ANO3: variants seen among roughly 807,000 people sequenced by gnomAD.
ANO3 encodes anoctamin-3.
Under a neutral mutation model 144.8 loss-of-function variants are expected in ANO3, and 99 were observed. That is an observed-to-expected ratio of 0.68 (90% CI 0.58 to 0.81). The LOEUF (loss-of-function observed/expected upper bound fraction) is 0.81. Among genes scored for constraint, ANO3 ranks in the 30% least tolerant of loss-of-function variants. ANO3 has a pLI of 0.00. For synonymous variants in ANO3, 414 were observed against 392.6 expected (o/e 1.05, Z -0.64); for missense variants, 905 against 1,202.2 (o/e 0.75, Z 3.66).
intron 1 of ANO3, among the ~76,000 whole-genome samples, chr11:26,189,730 G>A (rs1277105258): frequency 6.6e-6 from 1 of 152,002 alleles, no homozygotes; most frequent in Non-Finnish European, 1.5e-5. Context: ...TCATTCGTAT[G>A]CACAATTATA....
chr11:26,276,673 C>T (rs187591533), intron 1 of ANO3, among the ~76,000 whole-genome samples: 13 of 152,290 alleles, frequency 8.5e-5, no homozygotes, highest in Admixed American at 2.6e-4. Flanking sequence ...TTAGACCACG[C>T]TTTCAAAGGC....
chr11:26,411,412 A>G (rs1273556527), intron 1 of ANO3, among the ~76,000 whole-genome samples: 1 of 152,004 alleles, frequency 6.6e-6, no homozygotes, highest in Non-Finnish European at 1.5e-5. Context: ...TTCAATAATT[A>G]CCAGTAATTA....
intron 6 of ANO3, among the ~76,000 whole-genome samples, chr11:26,522,844 AT>A (rs1295805491): frequency 6.6e-6 from 1 of 152,076 alleles, no homozygotes; most frequent in Non-Finnish European, 1.5e-5. Flanking sequence ...ATTCACTAAA[AT>A]TTATAAAGAC....
At chr11:26,281,958 A>T (rs1853688506) in intron 1 of ANO3, among the ~76,000 whole-genome samples, 1 of 152,202 alleles carries the variant, frequency 6.6e-6, no homozygotes, top group Non-Finnish European at 1.5e-5. Context: ...AGTCATAATT[A>T]AGATCCTCCC....
rs577525460 is a variant in ANO3 at position 26,209,049 on chromosome 11, G to C, written c.154+19719G>C. 4.6e-5 allele frequency among the ~76,000 whole-genome samples: 7 copies of C among 152,242 alleles called. No individual in the cohort carries two copies. The South Asian group carries it at 8.3e-4, about 18-fold the overall frequency. The stretch of plus-strand genomic sequence containing the variant: ...CTGGGTTACATGTGCAGAATGTGTA[G>C]GTTTGTTACATAGGTATACACGTGC... On this transcript the variant is annotated intron_variant, in intron 1 of 27. Transcript: ENST00000672621.
chr11:26,204,074 T>TG (rs1200558013), intron 1 of ANO3, among the ~76,000 whole-genome samples: 1 of 152,126 alleles, frequency 6.6e-6, no homozygotes, highest in Admixed American at 6.6e-5. Flanking sequence ...AAATGCCATC[T>TG]TTTTCTTATG....
chr11:26,204,805 G>T (rs1216587359), intron 1 of ANO3, among the ~76,000 whole-genome samples: 1 of 152,168 alleles, frequency 6.6e-6, no homozygotes, highest in African/African-American at 2.4e-5. Flanking sequence ...TGTGCTAAGG[G>T]AATCAGATGT....
rs56956738 is a variant in ANO3, at chr11:26,274,882, A to G, written c.155-34763A>G. 4.1e-3 allele frequency among the ~76,000 whole-genome samples: 618 copies of G among 152,200 alleles called. 2 individuals carry two copies. The highest frequency in any genetic ancestry group is 0.014 in the African/African-American group (587 of 41,560). On this transcript the variant is annotated intron_variant, in intron 1 of 27. Transcript: ENST00000672621. ...GTATGGATATGAAAGGAAACACAAC[A>G]AAGCATGAGCATGGTTAGGAAGGAG...
chr11:26,268,702 T>A (rs1277104484), intron 1 of ANO3, among the ~76,000 whole-genome samples: 2 of 152,072 alleles, frequency 1.3e-5, no homozygotes, highest in African/African-American at 4.8e-5. Context: ...AAGGTGCAAC[T>A]CTCCTAGTTC....
chr11:26,230,181 T>G (rs1195921216), intron 1 of ANO3, among the ~76,000 whole-genome samples: 1 of 152,190 alleles, frequency 6.6e-6, no homozygotes, highest in East Asian at 1.9e-4. Flanking sequence ...AAACAGATTA[T>G]TTCTTTGTGA....
At chr11:26,531,143 G>A in intron 7 of ANO3, 62 bp from the exon 8 acceptor site, 1 of 1,582,982 alleles carries the variant, frequency 6.3e-7, no homozygotes, top group Non-Finnish European at 8.6e-7. Context: ...GAATTGTAGT[G>A]GAAGGTAGTC....
chr11:26,563,196 A>T (rs781616559), intron 14 of ANO3: 1 of 1,612,642 alleles, frequency 6.2e-7, no homozygotes, highest in South Asian at 1.1e-5. Context: ...GTAGCCCACA[A>T]GAGTAAGCAA....
intron 14 of ANO3, among the ~76,000 whole-genome samples, chr11:26,591,619 T>C (rs1431911261): frequency 6.6e-6 from 1 of 152,100 alleles, no homozygotes; most frequent in African/African-American, 2.4e-5. Context: ...ACATTCTCCA[T>C]AGAACCTCTT....
At chr11:26,323,866 T>G (rs1172649924) in intron 1 of ANO3, among the ~76,000 whole-genome samples, 1 of 152,208 alleles carries the variant, frequency 6.6e-6, no homozygotes, top group Non-Finnish European at 1.5e-5. Flanking sequence ...TGTGACATTT[T>G]AATTTCCCAT....
chr11:26,659,079 T>TAC (rs145583088), intron 26 of ANO3, among the ~76,000 whole-genome samples: 11,051 of 147,676 alleles, frequency 0.075, 707 homozygotes, highest in African/African-American at 0.18. Flanking sequence ...CCTTGAGCCA[T>TAC]ACACACACAC....
chr11:26,440,081 G>A (rs1055676012), intron 1 of ANO3, among the ~76,000 whole-genome samples: 3 of 152,128 alleles, frequency 2.0e-5, no homozygotes, highest in African/African-American at 4.8e-5. Context: ...TGTGGGCGGA[G>A]GGCGGGGGTG....
intron 1 of ANO3, among the ~76,000 whole-genome samples, chr11:26,255,914 T>A (rs1853046567): frequency 6.6e-6 from 1 of 152,068 alleles, no homozygotes; most frequent in Non-Finnish European, 1.5e-5. Context: ...GAGACTTGAC[T>A]AGAAAAGGCC....
At chr11:26,471,581 C>A (rs911000083) in intron 4 of ANO3, among the ~76,000 whole-genome samples, 1 of 151,648 alleles carries the variant, frequency 6.6e-6, no homozygotes, top group Non-Finnish European at 1.5e-5. Flanking sequence ...AACACCACCA[C>A]CATCACAAAA....
chr11:26,616,018 A>T (rs1437418043), intron 17 of ANO3, among the ~76,000 whole-genome samples: 1 of 152,200 alleles, frequency 6.6e-6, no homozygotes, highest in Non-Finnish European at 1.5e-5. Context: ...AAGTTTTAAA[A>T]AATATTTAAT....
Sources: allele counts gnomAD v4.1 joint callset (sites outside exome capture counted in the v4.1 genomes callset), GRCh38; gene constraint gnomAD v4.1.1; transcripts MANE v1.5; gene names NCBI Gene and HGNC (gene_info 2026-07-23, HGNC 2026-07-21).